MYPN: variants seen among roughly 807,000 people sequenced by gnomAD.
MYPN encodes the protein sarcomeric protein myopalladin, 145 kDa (MYOP).
In MYPN, 63 loss-of-function variants were observed where a neutral mutation model predicts 129.4. The ratio of observed to expected loss-of-function variants is 0.49; its 90% confidence interval spans 0.40 to 0.60. MYPN has a LOEUF of 0.60. MYPN is among the 20% of genes least tolerant of loss of function. The pLI is 0.00. For missense variants in MYPN, 1,596 were observed against 1,635.4 expected, an observed-to-expected ratio of 0.98 and a Z score of 0.42; for synonymous variants, 629 against 600.9, an observed-to-expected ratio of 1.05 and a Z score of -0.68.
chr10:68,190,745 A>G (rs4746735), intron 13 of MYPN, among the ~76,000 whole-genome samples: 8 of 151,748 alleles, frequency 5.3e-5, no homozygotes, highest in African/African-American at 1.7e-4. Context: ...GGTCTTACCC[A>G]AAAAAAAATT....
intron 2 of MYPN, among the ~76,000 whole-genome samples, chr10:68,123,526 A>AC (rs1199410388): frequency 2.8e-4 from 43 of 151,250 alleles, no homozygotes; most frequent in Middle Eastern, 3.4e-3. Flanking sequence ...AATACAAAAA[A>AC]AAAAAAAAAA....
chr10:68,159,150 A>T (rs2134139944), intron 7 of MYPN, among the ~76,000 whole-genome samples: 1 of 152,306 alleles, frequency 6.6e-6, no homozygotes, highest in African/African-American at 2.4e-5. Flanking sequence ...CAAAGGGTTG[A>T]ACTAAATTTA....
In MYPN at chr10:68,210,488, G is replaced by C; in HGVS notation, c.*33G>C. 1 of 1,612,246 alleles carries C rather than the reference G, an allele frequency of 6.2e-7. No homozygotes were observed. Among genetic ancestry groups the C allele is most frequent in the Non-Finnish European group, 8.5e-7 (1 of 1,179,348 alleles). ...TAGGTACCTGCTGTGTAAGAGAGCG[G>C]ACTGTGGAGGGGGAATGAGAACAAG... On this transcript the variant is annotated 3_prime_UTR_variant, in exon 20 of 20. Transcript: ENST00000358913.
rs570640491 is a variant in MYPN, at chr10:68,209,955, A to G, written c.3794-331A>G. Among the ~76,000 whole-genome samples the G allele has an allele frequency of 1.2e-3, 176 of 152,068 alleles. 1 individual carries two copies. Among genetic ancestry groups the G allele is most frequent in the African/African-American group, 4.0e-3 (166 of 41,506 alleles). On this transcript the variant is annotated intron_variant, in intron 19 of 19. Coordinates refer to ENST00000358913, the MANE Select transcript of MYPN (RefSeq NM_032578.4). ...TGATGTGCCCTTTTCAGCCTCCCAA[A>G]GTGCTGGGATTACAGGCATAAGCCA...
At chr10:68,154,136 T>C (rs1351607732) in intron 6 of MYPN, among the ~76,000 whole-genome samples, 1 of 152,228 alleles carries the variant, frequency 6.6e-6, no homozygotes, top group African/African-American at 2.4e-5. Flanking sequence ...TTTTAGATGC[T>C]CTTTAACTGT....
intron 12 of MYPN, among the ~76,000 whole-genome samples, chr10:68,181,643 T>C (rs896329889): frequency 5.3e-5 from 8 of 152,178 alleles, no homozygotes; most frequent in African/African-American, 1.9e-4. Context: ...CCTAAGCTGA[T>C]GCCACATTGA....
intron 6 of MYPN, among the ~76,000 whole-genome samples, chr10:68,155,960 G>A (rs1288821936): frequency 1.3e-5 from 2 of 152,186 alleles, no homozygotes; most frequent in Admixed American, 6.5e-5. Flanking sequence ...GCCCTTTGAT[G>A]TTAAATGAAT....
At chr10:68,102,048 T>A (rs534640095), upstream of MYPN, among the ~76,000 whole-genome samples, 1 of 151,902 alleles carries the variant, frequency 6.6e-6, no homozygotes, top group Non-Finnish European at 1.5e-5. Context: ...GAATGATGAA[T>A]ATTACCAAAA....
At chr10:68,147,863 A>C (rs1309421670) in intron 4 of MYPN, among the ~76,000 whole-genome samples, 1 of 152,214 alleles carries the variant, frequency 6.6e-6, no homozygotes, top group Non-Finnish European at 1.5e-5. Flanking sequence ...AAACTTGAAA[A>C]GCTTGTTGAC....
intron 10 of MYPN, among the ~76,000 whole-genome samples, chr10:68,169,574 G>A (rs925838575): frequency 1.3e-5 from 2 of 152,036 alleles, no homozygotes; most frequent in African/African-American, 2.4e-5. Flanking sequence ...TGTGATGTGG[G>A]TTCCATGGTC....
In MYPN at chr10:68,210,414, T is replaced by C. The variant is rs1279126604; in HGVS notation, c.3922T>C (p.Ser1308Pro). 2 of 1,614,118 alleles carry C rather than the reference T, an allele frequency of 1.2e-6. No individual in the cohort carries two copies. The highest frequency in any genetic ancestry group is 1.7e-6 in the Non-Finnish European group (2 of 1,180,040). The change falls in exon 20 of 20, where the codon TCA becomes CCA. Residue 1308 changes from serine to proline, a missense_variant. By Grantham distance (74) the Ser-to-Pro change is moderately conservative. Transcript: ENST00000358913. ...CTCCATGGAAAGCACGATGGTGTATTCATGCTCTTCTCGGAGTGTAGTGGA... is the reference window on the plus strand; with the variant it reads ...CTCCATGGAAAGCACGATGGTGTATCCATGCTCTTCTCGGAGTGTAGTGGA... ...FSSMESTMVY[S>P]CSSRSVVESD...
rs2043912120 is a variant in MYPN, at chr10:68,211,363, A to G, written c.*908A>G. 2.3e-6 allele frequency: 1 copy of G among 442,966 alleles called. No homozygotes were observed. The highest frequency in any genetic ancestry group is 4.5e-6 in the Non-Finnish European group (1 of 221,922). 27.4% of individuals were successfully genotyped at this position (442,966 alleles called of 1,614,324 possible). A position where few individuals can be genotyped will look rare whatever the true frequency, so the allele number is the denominator to read the frequency against. ...TCCTACCCCTTTCCCCAAAAGTCTGAAAGTGTAGGAGGAAGGAAGAGATAC... is the reference window on the plus strand; with the variant it reads ...TCCTACCCCTTTCCCCAAAAGTCTGGAAGTGTAGGAGGAAGGAAGAGATAC... On this transcript the variant is annotated 3_prime_UTR_variant, in exon 20 of 20. Transcript: ENST00000358913.
chr10:68,140,363 T>C (rs1207097958), intron 2 of MYPN, among the ~76,000 whole-genome samples: 2 of 152,172 alleles, frequency 1.3e-5, no homozygotes, highest in Non-Finnish European at 2.9e-5. Context: ...TGGTAGGCAC[T>C]GTGGATGCTT....
chr10:68,153,621 C>T (rs1025636709), intron 6 of MYPN, among the ~76,000 whole-genome samples: 1 of 152,112 alleles, frequency 6.6e-6, no homozygotes, highest in Non-Finnish European at 1.5e-5. Flanking sequence ...CTAGGATAGG[C>T]AGTGGCTCAG....
chr10:68,132,228 T>G (rs2042422419), intron 2 of MYPN, among the ~76,000 whole-genome samples: 1 of 152,138 alleles, frequency 6.6e-6, no homozygotes, highest in Non-Finnish European at 1.5e-5. Flanking sequence ...TTCAAGCACT[T>G]TTTCTGCATT....
At chr10:68,097,419 A>C (rs1167911901) in intron 1 of MYPN, among the ~76,000 whole-genome samples, 3 of 152,204 alleles carry the variant, frequency 2.0e-5, no homozygotes, top group Admixed American at 6.5e-5. Flanking sequence ...AGCTCAGTGC[A>C]ACTGGGTGTG....
chr10:68,106,745 G>A, upstream of MYPN: 1 of 717,300 alleles, frequency 1.4e-6, no homozygotes, highest in South Asian at 1.5e-5. Context: ...TCCAAGTGAA[G>A]ACTTCCTCTG....
At chr10:68,198,521 C>T (rs966762550) in intron 16 of MYPN, among the ~76,000 whole-genome samples, 1 of 151,966 alleles carries the variant, frequency 6.6e-6, no homozygotes, top group Non-Finnish European at 1.5e-5. Context: ...ATAAAGGGTC[C>T]ACTTCTATCT....
At chr10:68,187,101 G>T (rs2043433776) in intron 12 of MYPN, among the ~76,000 whole-genome samples, 1 of 152,130 alleles carries the variant, frequency 6.6e-6, no homozygotes, top group Admixed American at 6.5e-5. Context: ...GCTGGGCATG[G>T]TGGCTCACAC....
Sources: allele counts gnomAD v4.1 joint callset (sites outside exome capture counted in the v4.1 genomes callset), GRCh38; gene constraint gnomAD v4.1.1; transcripts MANE v1.5; gene names NCBI Gene and HGNC (gene_info 2026-07-23, HGNC 2026-07-21).